Variants in PRTFDC1 observed in about 807,000 individuals in gnomAD.
PRTFDC1 encodes the protein phosphoribosyltransferase domain-containing protein 1.
A neutral mutation model predicts 34.6 loss-of-function variants in PRTFDC1; 38 were observed. The ratio of observed to expected loss-of-function variants is 1.10; its 90% CI spans 0.85 to 1.44. PRTFDC1 has a LOEUF of 1.44. Among genes scored for constraint, PRTFDC1 ranks in the 40% most tolerant of loss-of-function variants. PRTFDC1 has a pLI of 0.00. For synonymous variants in PRTFDC1, 93 were observed against 98.1 expected (o/e 0.95, Z 0.31); for missense variants, 270 against 283.0 (o/e 0.95, Z 0.33).
intron 5 of PRTFDC1, 59 bp downstream of exon 5, chr10:24,858,333 T>C: frequency 6.4e-7 from 1 of 1,573,034 alleles, no homozygotes; most frequent in Non-Finnish European, 8.7e-7. Context: ...GTTTACCGTT[T>C]AAAACTCACC....
At chr10:24,893,077 T>C (rs1408301600) in intron 3 of PRTFDC1, among the ~76,000 whole-genome samples, 1 of 152,030 alleles carries the variant, frequency 6.6e-6, no homozygotes, top group Non-Finnish European at 1.5e-5. Context: ...GAAAGAAAAA[T>C]AGAAGTAGCA....
At chr10:24,928,885 A>G (rs947920929) in intron 3 of PRTFDC1, among the ~76,000 whole-genome samples, 2 of 151,532 alleles carry the variant, frequency 1.3e-5, no homozygotes, top group African/African-American at 2.4e-5. Context: ...AAAAACTACA[A>G]AAAAATTAGC....
Position 24,906,885 on chromosome 10 carries a change from G to GAC in PRTFDC1, c.339+30298_339+30299insGT, listed in dbSNP as rs1461144772. 3.3e-5 allele frequency among the ~76,000 whole-genome samples: 5 copies of GAC among 152,322 alleles called. No homozygotes were observed. In the South Asian group the frequency reaches 1.0e-3, roughly 32 times the overall value. On this transcript the variant is annotated intron_variant, in intron 3 of 8. Coordinates refer to ENST00000320152, the MANE Select transcript of PRTFDC1 (RefSeq NM_020200.7). ...AGGGGAGAAATGGACAAGCTGTCAG[G>GAC]AGGCTGTGGCACTGTTATTGGCTTT...
chr10:24,934,213 CAAA>C (rs1463347944), intron 3 of PRTFDC1, among the ~76,000 whole-genome samples: 2 of 122,618 alleles, frequency 1.6e-5, no homozygotes, highest in African/African-American at 3.3e-5. Flanking sequence ...CTACTGGACA[CAAA>C]GAAGAAGAAG....
chr10:24,869,170 C>G (rs1847836442), intron 4 of PRTFDC1, among the ~76,000 whole-genome samples: 1 of 151,738 alleles, frequency 6.6e-6, no homozygotes, highest in African/African-American at 2.4e-5. Context: ...CACGGAGAGG[C>G]TGAATGAAGA....
chr10:24,868,939 A>G (rs1399668163), intron 4 of PRTFDC1, among the ~76,000 whole-genome samples: 1 of 152,144 alleles, frequency 6.6e-6, no homozygotes, highest in Non-Finnish European at 1.5e-5. Flanking sequence ...GTATTTACGG[A>G]GTACATGAGT....
In PRTFDC1 at chr10:24,856,650, T is replaced by G. The variant is rs547145884; in HGVS notation, c.506+263A>C. Among the ~76,000 whole-genome samples, 29 of 152,222 alleles carry G rather than the reference T, an allele frequency of 1.9e-4. 1 individual carries two copies. Among genetic ancestry groups the G allele is most frequent in the Admixed American group, 1.6e-3 (24 of 15,276 alleles). ...GGGAGCGGAGCAATTGCACGGGGGC[T>G]CATCCAGCTGCTCCTGGAAACAGCT... On this transcript the variant is annotated intron_variant, in intron 6 of 8. Transcript: ENST00000320152.
At chr10:24,912,856 C>A (rs1356310159) in intron 3 of PRTFDC1, among the ~76,000 whole-genome samples, 2 of 152,062 alleles carry the variant, frequency 1.3e-5, no homozygotes, top group African/African-American at 4.8e-5. Context: ...CTGAACTGGC[C>A]TTGCTTCTAC....
At chr10:24,875,882 G>T (rs1454386867) in intron 3 of PRTFDC1, among the ~76,000 whole-genome samples, 3 of 123,426 alleles carry the variant, frequency 2.4e-5, no homozygotes, top group Non-Finnish European at 4.9e-5. Flanking sequence ...AAGAGACAGG[G>T]TCTTGTTCTG....
intron 7 of PRTFDC1, among the ~76,000 whole-genome samples, chr10:24,854,794 A>C (rs1165333679): frequency 6.6e-6 from 1 of 152,010 alleles, no homozygotes; most frequent in Non-Finnish European, 1.5e-5. Context: ...GGTGAAGGGG[A>C]GCTGTCTTAG....
At chr10:24,929,052 A>AAAAAAAAAAAAAC (rs1554765607) in intron 3 of PRTFDC1, among the ~76,000 whole-genome samples, 1 of 116,508 alleles carries the variant, frequency 8.6e-6, no homozygotes, top group South Asian at 2.9e-4. Context: ...AAAAAAAAAA[A>AAAAAAAAAAAAAC]AAAGAAAGAA....
chr10:24,923,307 C>T (rs956860773), intron 3 of PRTFDC1, among the ~76,000 whole-genome samples: 3 of 152,238 alleles, frequency 2.0e-5, no homozygotes, highest in African/African-American at 7.2e-5. Flanking sequence ...GTTCTCCCAG[C>T]ACAGCATTCG....
intron 4 of PRTFDC1, among the ~76,000 whole-genome samples, chr10:24,861,681 A>G (rs997748937): frequency 5.7e-4 from 87 of 152,036 alleles, no homozygotes; most frequent in Non-Finnish European, 2.4e-4. Flanking sequence ...TTTTATTTCT[A>G]AAAAATAGAC....
At chr10:24,903,995 C>G (rs1479725200) in intron 3 of PRTFDC1, among the ~76,000 whole-genome samples, 2 of 151,926 alleles carry the variant, frequency 1.3e-5, no homozygotes, top group East Asian at 1.9e-4. Flanking sequence ...AGCTGGAGTT[C>G]TATTCTAAGA....
At chr10:24,928,989 G>A (rs767586630) in intron 3 of PRTFDC1, among the ~76,000 whole-genome samples, 14 of 146,160 alleles carry the variant, frequency 9.6e-5, no homozygotes, top group Non-Finnish European at 1.8e-4. Flanking sequence ...GCAGTGAGTC[G>A]AGATCGCAGC....
chr10:24,872,295 G>GGGAGAGA (rs1847884239), intron 3 of PRTFDC1, among the ~76,000 whole-genome samples: 1 of 152,122 alleles, frequency 6.6e-6, no homozygotes, highest in African/African-American at 2.4e-5. Context: ...CAGGGGGAGT[G>GGGAGAGA]GGAGAGAGGA....
At chr10:24,933,305 T>C (rs541731997) in intron 3 of PRTFDC1, among the ~76,000 whole-genome samples, 2 of 151,144 alleles carry the variant, frequency 1.3e-5, no homozygotes, top group Admixed American at 6.6e-5. Context: ...AAAAACAAAA[T>C]GAAAAAACCT....
chr10:24,944,215 CTCCCA>C (rs1849216536), intron 1 of PRTFDC1, among the ~76,000 whole-genome samples: 1 of 152,232 alleles, frequency 6.6e-6, no homozygotes. Context: ...TTACCCAAGG[CTCCCA>C]TGCAGGATCC....
intron 1 of PRTFDC1, among the ~76,000 whole-genome samples, chr10:24,948,569 C>T (rs1849288310): frequency 6.6e-6 from 1 of 152,210 alleles, no homozygotes; most frequent in Non-Finnish European, 1.5e-5. Flanking sequence ...CAAGAGCCAT[C>T]TTAAATCTCT....
Sources: allele counts gnomAD v4.1 joint callset (sites outside exome capture counted in the v4.1 genomes callset), GRCh38; gene constraint gnomAD v4.1.1; transcripts MANE v1.5; gene names NCBI Gene and HGNC (gene_info 2026-07-23, HGNC 2026-07-21).